Variants in ST3GAL1 observed in about 807,000 individuals in gnomAD.
ST3GAL1 encodes the protein ST3 beta-galactoside alpha-2,3-sialyltransferase 1, also known as CMP-N-acetylneuraminate-beta-galactosamide-alpha-2,3-sialyltransferase 1.
A neutral mutation model predicts 34.1 loss-of-function variants in ST3GAL1; 16 were observed. The ratio of observed to expected loss-of-function variants is 0.47; its 90% CI spans 0.32 to 0.71. ST3GAL1 has a LOEUF of 0.71. Among genes scored for constraint, ST3GAL1 ranks in the 30% least tolerant of loss-of-function variants. The pLI is 0.04. For synonymous variants in ST3GAL1, 191 were observed against 184.7 expected, an observed-to-expected ratio of 1.03 and a Z score of -0.28; for missense variants, 353 against 447.4, an observed-to-expected ratio of 0.79 and a Z score of 1.90.
intron 2 of ST3GAL1, among the ~76,000 whole-genome samples, chr8:133,544,962 T>A (rs1205583742): frequency 6.6e-6 from 1 of 152,092 alleles, no homozygotes; most frequent in African/African-American, 2.4e-5. Flanking sequence ...ACCAGCAGAG[T>A]GAAGTGACAT....
intron 1 of ST3GAL1, 45 bp from the exon 2 acceptor site, chr8:133,545,971 G>A (rs1818661028): frequency 6.6e-6 from 1 of 152,208 alleles, no homozygotes; most frequent in African/African-American, 2.4e-5. Context: ...TTGACAATTA[G>A]TCCATCCTCT....
chr8:133,517,425 C>G (rs1267561874), intron 2 of ST3GAL1, among the ~76,000 whole-genome samples: 5 of 152,218 alleles, frequency 3.3e-5, no homozygotes, highest in Admixed American at 3.3e-4. Flanking sequence ...TCTCAGTTCA[C>G]TGCAACCTCT....
chr8:133,491,999 A>G (rs4736683), intron 3 of ST3GAL1, among the ~76,000 whole-genome samples: 145,828 of 152,214 alleles, frequency 0.96, 69,884 homozygotes, highest in East Asian at 1. Flanking sequence ...GGAGGAGCGA[A>G]AACATGGGTG....
At chr8:133,485,065 A>G (rs943369029) in intron 3 of ST3GAL1, among the ~76,000 whole-genome samples, 1 of 152,156 alleles carries the variant, frequency 6.6e-6, no homozygotes, top group Non-Finnish European at 1.5e-5. Context: ...CCTGCATTCG[A>G]GGGTTCTCAG....
chr8:133,541,639 C>T (rs565800542), intron 2 of ST3GAL1, among the ~76,000 whole-genome samples: 5 of 152,314 alleles, frequency 3.3e-5, no homozygotes, highest in African/African-American at 1.2e-4. Flanking sequence ...AAATGCTTCC[C>T]CAGTCTTCTG....
At chr8:133,555,527 T>C (rs1218560433) in intron 1 of ST3GAL1, among the ~76,000 whole-genome samples, 1 of 152,116 alleles carries the variant, frequency 6.6e-6, no homozygotes, top group Non-Finnish European at 1.5e-5. Flanking sequence ...TCCCATCCAC[T>C]GTGAACCTGG....
rs1210935717 is a variant in ST3GAL1 at position 133,469,375 on chromosome 8, T to C, written c.307-3285A>G. 2.0e-5 allele frequency among the ~76,000 whole-genome samples: 3 copies of C among 152,196 alleles called. No homozygotes were observed. The highest frequency in any genetic ancestry group is 3.9e-4 in the East Asian group (2 of 5,152). ...CTGGGATTACAGGTGTGCACCACTG[T>C]GCCTGGCTAATTTTTGTATTTTTAG... is the stretch of plus-strand genomic sequence containing the variant. On this transcript the variant is annotated intron_variant, in intron 5 of 9. Coordinates refer to ENST00000522652, the MANE Select transcript of ST3GAL1 (RefSeq NM_173344.3). This position sits in a 1 kb window ranked among gnomAD's most constrained non-coding sequence, Gnocchi z 4.3.
In ST3GAL1 at chr8:133,459,868, C is replaced by T. The variant is rs771960684; in HGVS notation, c.919G>A (p.Ala307Thr). The T allele has an allele frequency of 1.3e-5, 21 of 1,614,048 alleles. No individual in the cohort carries two copies. Among genetic ancestry groups the T allele is most frequent in the Non-Finnish European group, 1.5e-5 (18 of 1,180,020 alleles). ...ACCCCCGTCTTGCGAAAAGCCCCCGCGGATGGGTTGTTCTCCCAGTAGTGG... is the reference window on the plus strand; with the variant it reads ...ACCCCCGTCTTGCGAAAAGCCCCCGTGGATGGGTTGTTCTCCCAGTAGTGG... ...WHHYWENNPS[A>T]GAFRKTGVHD... Residue 307 changes from alanine to threonine, a missense_variant, in exon 10 of 10, where the codon GCG (alanine) becomes ACG (threonine). Coordinates refer to ENST00000522652, the MANE Select transcript of ST3GAL1 (RefSeq NM_173344.3). This position sits in a 1 kb window ranked among gnomAD's most constrained non-coding sequence, Gnocchi z 4.7.
intron 1 of ST3GAL1, among the ~76,000 whole-genome samples, chr8:133,562,794 T>TTTCCTTCCTTCCTTCCTTCCTTCCTTCC (rs772597674): frequency 4.6e-5 from 5 of 108,604 alleles, no homozygotes; most frequent in African/African-American, 1.8e-4. Flanking sequence ...TCTTTCTTTC[T>TTTCCTTCCTTCCTTCCTTCCTTCCTTCC]TTCCTTCCTT....
chr8:133,465,436 G>A (rs937794056), intron 6 of ST3GAL1, among the ~76,000 whole-genome samples: 4 of 152,154 alleles, frequency 2.6e-5, no homozygotes, highest in African/African-American at 9.7e-5. Context: ...ACTTGTGAGT[G>A]GTATAGTGGG....
At chr8:133,479,847 T>C (rs1816316710) in intron 3 of ST3GAL1, among the ~76,000 whole-genome samples, 1 of 152,170 alleles carries the variant, frequency 6.6e-6, no homozygotes, top group African/African-American at 2.4e-5. Context: ...TCCAAAGCCC[T>C]GGATAAAACT....
intron 3 of ST3GAL1, among the ~76,000 whole-genome samples, chr8:133,481,715 C>T (rs1586602454): frequency 6.6e-6 from 1 of 151,980 alleles, no homozygotes; most frequent in African/African-American, 2.4e-5. Context: ...AGGCTGGTCT[C>T]GAACTCTCGA....
chr8:133,562,855 T>TTC (rs1563744760), intron 1 of ST3GAL1, among the ~76,000 whole-genome samples: 4 of 147,758 alleles, frequency 2.7e-5, no homozygotes, highest in African/African-American at 1.0e-4. Context: ...TCTTTCTTTT[T>TTC]TTTTTTTTTT....
chr8:133,553,239 C>T (rs189148221), intron 1 of ST3GAL1, among the ~76,000 whole-genome samples: 21 of 152,272 alleles, frequency 1.4e-4, no homozygotes, highest in African/African-American at 4.1e-4. Context: ...GTGGCCAGAA[C>T]GTAAGCAGAA....
In ST3GAL1 at chr8:133,571,483, C is replaced by G. The variant is rs1177417819; in HGVS notation, c.-582+210G>C. On this transcript the variant is annotated intron_variant, in intron 1 of 9. Coordinates refer to ENST00000522652, the MANE Select transcript of ST3GAL1 (RefSeq NM_173344.3). The surrounding 1 kb of genome is among the most constrained non-coding windows in gnomAD (Gnocchi z 6.7). ...GTCGCCGCTGCCAAGGAAGGGGTCTCCCTTCGAATGTCTTCCACTAGAATC... is the reference window on the plus strand; with the variant it reads ...GTCGCCGCTGCCAAGGAAGGGGTCTGCCTTCGAATGTCTTCCACTAGAATC... Among the ~76,000 whole-genome samples the G allele has an allele frequency of 6.6e-6, 1 of 152,152 alleles. No individual in the cohort carries two copies. The highest frequency in any genetic ancestry group is 1.5e-5 in the Non-Finnish European group (1 of 68,038).
In ST3GAL1 at chr8:133,570,439, CT is replaced by C. The variant is rs1332471360; in HGVS notation, c.-582+1253del. On this transcript the variant is annotated intron_variant, in intron 1 of 9. Coordinates refer to ENST00000522652, the MANE Select transcript of ST3GAL1 (RefSeq NM_173344.3). The surrounding 1 kb of genome is among the most constrained non-coding windows in gnomAD (Gnocchi z 5.6). ...TGCCCAACCCCCACCCCCTTGCGCGCTTCTGGGTGCGCACGTGTCCCCTCGC... is the reference window on the plus strand; with the variant it reads ...TGCCCAACCCCCACCCCCTTGCGCGCTCTGGGTGCGCACGTGTCCCCTCGC... 6.6e-6 allele frequency: 1 copy of C among 152,228 alleles called. No homozygotes were observed. The highest frequency in any genetic ancestry group is 2.4e-5 in the African/African-American group (1 of 41,432). 9.4% of individuals were successfully genotyped at this position (152,228 alleles called of 1,614,324 possible). A position where few individuals can be genotyped will look rare whatever the true frequency, so the allele number is the denominator to read the frequency against.
At chr8:133,562,833 CCTTCCTTCCTTT>C (rs1421743924) in intron 1 of ST3GAL1, among the ~76,000 whole-genome samples, 1 of 75,198 alleles carries the variant, frequency 1.3e-5, no homozygotes, top group Non-Finnish European at 2.4e-5. Context: ...TTCCTTCCTT[CCTTCCTTCCTTT>C]CTTTCTTTTT....
At chr8:133,540,826 CAT>C (rs1321510913) in intron 2 of ST3GAL1, among the ~76,000 whole-genome samples, 13 of 82,098 alleles carry the variant, frequency 1.6e-4, no homozygotes, top group Non-Finnish European at 3.4e-4. Context: ...TATATATAGA[CAT>C]ATATATAGAG....
At chr8:133,516,418 C>A (rs1817650096) in intron 2 of ST3GAL1, 1 of 152,092 alleles carries the variant, frequency 6.6e-6, no homozygotes, top group South Asian at 2.1e-4. Flanking sequence ...AATTACTCAC[C>A]CTCATGCATT....
Sources: allele counts gnomAD v4.1 joint callset (sites outside exome capture counted in the v4.1 genomes callset), GRCh38; gene constraint gnomAD v4.1.1; non-coding constraint Gnocchi (gnomAD v3.1); transcripts MANE v1.5; gene names NCBI Gene and HGNC (gene_info 2026-07-23, HGNC 2026-07-21).